Variants in ADAMTS12 observed in about 807,000 individuals in gnomAD.
ADAMTS12 encodes A disintegrin and metalloproteinase with thrombospondin motifs 12.
In ADAMTS12, 118 loss-of-function variants were observed where a neutral mutation model predicts 167.8. The observed-to-expected ratio is 0.70, with a 90% confidence interval of 0.61 to 0.82. The LOEUF (loss-of-function observed/expected upper bound fraction) is 0.82. Among genes scored for constraint, ADAMTS12 ranks in the 40% least tolerant of loss-of-function variants. The probability of loss-of-function intolerance (pLI) is 0.00; values close to 1 mark genes in which losing one functional copy is unlikely to be tolerated. For synonymous variants in ADAMTS12, 704 were observed against 716.9 expected (o/e 0.98, Z 0.29); for missense variants, 1,916 against 1,998.8 (o/e 0.96, Z 0.79).
chr5:33,768,146 C>T (rs1745611197), intron 2 of ADAMTS12, among the ~76,000 whole-genome samples: 1 of 152,130 alleles, frequency 6.6e-6, no homozygotes, highest in African/African-American at 2.4e-5. Flanking sequence ...GGGCAAGAGG[C>T]CATTCAGGAG....
chr5:33,628,247 C>T (rs1256435470), intron 13 of ADAMTS12, among the ~76,000 whole-genome samples: 1 of 152,108 alleles, frequency 6.6e-6, no homozygotes, highest in Admixed American at 6.5e-5. Context: ...GGTTAGCGAG[C>T]TGGCCTCAGA....
chr5:33,817,711 T>TAA (rs200036990), intron 2 of ADAMTS12, among the ~76,000 whole-genome samples: 1 of 151,388 alleles, frequency 6.6e-6, no homozygotes, highest in African/African-American at 2.4e-5. Flanking sequence ...GATTCTCTTT[T>TAA]AAAAAAAAAT....
At chr5:33,630,298 A>G (rs1168223290) in intron 13 of ADAMTS12, among the ~76,000 whole-genome samples, 1 of 152,208 alleles carries the variant, frequency 6.6e-6, no homozygotes, top group East Asian at 1.9e-4. Flanking sequence ...AGACTTGATT[A>G]ATGAAGTGAG....
intron 2 of ADAMTS12, among the ~76,000 whole-genome samples, chr5:33,771,334 T>C (rs1745731171): frequency 6.6e-6 from 1 of 152,178 alleles, no homozygotes. Context: ...AGTATCATAG[T>C]AAAGTTTTTA....
At chr5:33,614,214 A>G in intron 16 of ADAMTS12, 24 bp downstream of exon 16, 1 of 1,610,902 alleles carries the variant, frequency 6.2e-7, no homozygotes, top group Non-Finnish European at 8.5e-7. Context: ...GCATGGCTTC[A>G]TAGTGAGAGC....
intron 3 of ADAMTS12, among the ~76,000 whole-genome samples, chr5:33,697,745 T>C (rs1742836612): frequency 1.3e-5 from 2 of 152,174 alleles, no homozygotes; most frequent in Admixed American, 1.3e-4. Flanking sequence ...CCACCTTATC[T>C]AAAACAAATC....
chr5:33,549,582 G>A (rs979885526), intron 20 of ADAMTS12, among the ~76,000 whole-genome samples, 199 bp from the exon 21 acceptor site: 1 of 152,222 alleles, frequency 6.6e-6, no homozygotes, highest in South Asian at 2.1e-4. Context: ...ACATGCATAG[G>A]AGTGTTTCTG....
At chr5:33,849,879 G>A (rs1371981197) in intron 2 of ADAMTS12, among the ~76,000 whole-genome samples, 3 of 150,738 alleles carry the variant, frequency 2.0e-5, no homozygotes, top group Admixed American at 6.6e-5. Flanking sequence ...TATATGTATT[G>A]CATAGCATAT....
chr5:33,591,081 A>AGTGT (rs34067228), intron 17 of ADAMTS12, among the ~76,000 whole-genome samples: 197 of 115,406 alleles, frequency 1.7e-3, no homozygotes, highest in African/African-American at 5.2e-3. Context: ...TAAATGTCTA[A>AGTGT]GTGTGTGTGT....
intron 2 of ADAMTS12, among the ~76,000 whole-genome samples, chr5:33,828,218 A>G (rs1295026369): frequency 2.6e-5 from 4 of 152,196 alleles, no homozygotes; most frequent in East Asian, 3.8e-4. Context: ...GACTTTGTCA[A>G]TCTCCCAGGT....
intron 2 of ADAMTS12, among the ~76,000 whole-genome samples, chr5:33,858,331 G>C (rs969827693): frequency 6.6e-6 from 1 of 152,216 alleles, no homozygotes; most frequent in Non-Finnish European, 1.5e-5. Flanking sequence ...GCAATGCTGA[G>C]AGGAAAAGCT....
At chr5:33,620,492 C>T (rs1739266057) in intron 14 of ADAMTS12, among the ~76,000 whole-genome samples, 1 of 152,200 alleles carries the variant, frequency 6.6e-6, no homozygotes, top group African/African-American at 2.4e-5. Context: ...CTTGAGCTCA[C>T]CACAATAGCA....
At chr5:33,860,161 CTT>C (rs1385393663) in intron 2 of ADAMTS12, among the ~76,000 whole-genome samples, 2 of 152,100 alleles carry the variant, frequency 1.3e-5, no homozygotes, top group African/African-American at 4.8e-5. Flanking sequence ...TGGAGAACGA[CTT>C]TGATGAATTG....
intron 19 of ADAMTS12, among the ~76,000 whole-genome samples, chr5:33,567,541 C>T (rs1746074115): frequency 6.6e-6 from 1 of 152,170 alleles, no homozygotes; most frequent in Non-Finnish European, 1.5e-5. Flanking sequence ...CCAATGTTCC[C>T]TCCGCATCCG....
At chr5:33,885,163 G>A (rs1034743502) in intron 1 of ADAMTS12, among the ~76,000 whole-genome samples, 1 of 152,292 alleles carries the variant, frequency 6.6e-6, no homozygotes, top group African/African-American at 2.4e-5. Flanking sequence ...AAATTTTTGT[G>A]TGAGATGATA....
intron 2 of ADAMTS12, among the ~76,000 whole-genome samples, chr5:33,832,055 T>C (rs1369701314): frequency 2.6e-5 from 4 of 152,206 alleles, no homozygotes; most frequent in Non-Finnish European, 5.9e-5. Flanking sequence ...TCTGCAGCTT[T>C]CAGGTTCACA....
At chr5:33,563,948 T>G (rs1745875111) in intron 19 of ADAMTS12, among the ~76,000 whole-genome samples, 1 of 152,226 alleles carries the variant, frequency 6.6e-6, no homozygotes, top group Non-Finnish European at 1.5e-5. Flanking sequence ...ATACAGCTGG[T>G]AATTTACTGA....
chr5:33,582,664 T>C (rs919293483), intron 18 of ADAMTS12, among the ~76,000 whole-genome samples: 1 of 152,222 alleles, frequency 6.6e-6, no homozygotes, highest in East Asian at 1.9e-4. Context: ...ATGTTTTGTT[T>C]GTGTGTTTTT....
intron 16 of ADAMTS12, among the ~76,000 whole-genome samples, chr5:33,608,862 G>T (rs527369991): frequency 6.6e-6 from 1 of 152,272 alleles, no homozygotes; most frequent in East Asian, 1.9e-4. Flanking sequence ...TTGAAAAGCA[G>T]CCAAGGGAAA....
Sources: allele counts gnomAD v4.1 joint callset (sites outside exome capture counted in the v4.1 genomes callset), GRCh38; gene constraint gnomAD v4.1.1; transcripts MANE v1.5; gene names NCBI Gene and HGNC (gene_info 2026-07-23, HGNC 2026-07-21).